RPS20: variants seen among roughly 807,000 people sequenced by gnomAD.
RPS20 encodes the protein small ribosomal subunit protein uS10.
RPS20 carries 3 observed loss-of-function variants against 15.3 expected under a neutral mutation model. The observed-to-expected ratio is 0.20, with a 90% confidence interval of 0.09 to 0.51. The LOEUF (loss-of-function observed/expected upper bound fraction) is 0.51, where lower values mean the gene tolerates loss of function less well. Among genes scored for constraint, RPS20 ranks in the 20% least tolerant of loss-of-function variants. RPS20 has a pLI of 0.96. For synonymous variants in RPS20, 62 were observed against 47.8 expected (o/e 1.30, Z -1.23); for missense variants, 67 against 145.9 (o/e 0.46, Z 2.79).
At chr8:56,071,806 T>A (rs1487066029), downstream of RPS20, among the ~76,000 whole-genome samples, 1 of 152,148 alleles carries the variant, frequency 6.6e-6, no homozygotes. Context: ...AAAACTTGAA[T>A]TACCCAACTT....
chr8:56,073,080 A>G lies in RPS20; in HGVS notation c.*10T>C, dbSNP rs1809811679. The G allele has an allele frequency of 6.3e-7, 1 of 1,588,798 alleles. No individual in the cohort carries two copies. The highest frequency in any genetic ancestry group is 8.5e-7 in the Non-Finnish European group (1 of 1,175,456). ...TAACAACTGGTCATCAATTTATTAA[A>G]ATAGTTGACTTAAGCATCTGCAATG... On this transcript the variant is annotated 3_prime_UTR_variant, in exon 4 of 4. Coordinates refer to ENST00000009589, the MANE Select transcript of RPS20 (RefSeq NM_001023.4).
chr8:56,071,806 T>C (rs1487066029), downstream of RPS20, among the ~76,000 whole-genome samples: 3 of 152,148 alleles, frequency 2.0e-5, no homozygotes, highest in East Asian at 5.8e-4. Flanking sequence ...AAAACTTGAA[T>C]TACCCAACTT....
downstream of RPS20, among the ~76,000 whole-genome samples, chr8:56,071,494 T>C (rs1809753524): frequency 6.6e-6 from 1 of 152,338 alleles, no homozygotes; most frequent in Non-Finnish European, 1.5e-5. Flanking sequence ...TGATGTTAAC[T>C]GGGTTTGTCT....
intron 3 of RPS20, 89 bp downstream of exon 3, chr8:56,073,603 TAAC>T (rs1210278799): frequency 5.9e-6 from 6 of 1,022,002 alleles, no homozygotes; most frequent in African/African-American, 1.6e-5. Context: ...GCATCAGTGT[TAAC>T]AATTTTGGCA....
downstream of RPS20, among the ~76,000 whole-genome samples, chr8:56,072,549 C>A (rs77603315): frequency 8.2e-6 from 1 of 121,850 alleles, no homozygotes; most frequent in Non-Finnish European, 1.7e-5. Flanking sequence ...AAAACGCCGT[C>A]CCCCCCCCCA....
At chr8:56,073,473 C>A (rs112898853) in intron 3 of RPS20, 5 of 633,450 alleles carry the variant, frequency 7.9e-6, no homozygotes, top group Non-Finnish European at 1.4e-5. Flanking sequence ...AGAGCTTGCG[C>A]CTGTTAAGCA....
At chr8:56,074,335 C>T in intron 1 of RPS20, 46 bp downstream of exon 1, 1 of 1,547,044 alleles carries the variant, frequency 6.5e-7, no homozygotes, top group Non-Finnish European at 8.7e-7. Flanking sequence ...GTCCCCCCGG[C>T]GCCCGAGCCC....
At chr8:56,071,434 A>C (rs141305181), downstream of RPS20, among the ~76,000 whole-genome samples, 527 of 152,348 alleles carry the variant, frequency 3.5e-3, 3 homozygotes, top group Non-Finnish European at 6.3e-3. Flanking sequence ...TTTGGTTTAA[A>C]TTTAGCAATG....
chr8:56,073,516 T>C, intron 3 of RPS20, 179 bp downstream of exon 3: 5 of 654,450 alleles, frequency 7.6e-6, no homozygotes, highest in Non-Finnish European at 1.4e-5. Flanking sequence ...CAACAATAAT[T>C]CAACAATCAT....
chr8:56,071,344 T>TG (rs1216974515), downstream of RPS20, among the ~76,000 whole-genome samples: 1 of 152,218 alleles, frequency 6.6e-6, no homozygotes, highest in African/African-American at 2.4e-5. Flanking sequence ...GGTATTTGTC[T>TG]GGGGGCCACG....
downstream of RPS20, among the ~76,000 whole-genome samples, chr8:56,068,731 GCA>G (rs753781442): frequency 2.8e-5 from 4 of 144,066 alleles, no homozygotes; most frequent in Middle Eastern, 3.9e-3. Flanking sequence ...ATACAAATGT[GCA>G]CAGTTGCTTG....
downstream of RPS20, among the ~76,000 whole-genome samples, chr8:56,070,579 A>G (rs1038991007): frequency 6.6e-6 from 1 of 152,036 alleles, no homozygotes; most frequent in Non-Finnish European, 1.5e-5. Context: ...CCACAAAAAA[A>G]GCCAGGCCAA....
At chr8:56,071,339 T>G (rs1809750324), downstream of RPS20, among the ~76,000 whole-genome samples, 2 of 152,350 alleles carry the variant, frequency 1.3e-5, no homozygotes, top group South Asian at 4.1e-4. Flanking sequence ...TCATAGGTAT[T>G]TGTCTGGGGG....
intron 3 of RPS20, 98 bp downstream of exon 3, chr8:56,073,597 C>G: frequency 3.2e-6 from 3 of 924,822 alleles, no homozygotes; most frequent in Non-Finnish European, 5.4e-6. Flanking sequence ...TAGACAGCAT[C>G]AGTGTTAACA....
At chr8:56,073,815 C>CGAA (rs754379092) in intron 2 of RPS20, 47 bp from the exon 3 acceptor site, 1 of 1,543,850 alleles carries the variant, frequency 6.5e-7, no homozygotes, top group South Asian at 1.1e-5. Flanking sequence ...CAATTAAAAT[C>CGAA]GGCTTAAGGC....
chr8:56,074,349 G>A, intron 1 of RPS20, 32 bp downstream of exon 1: 3 of 1,550,038 alleles, frequency 1.9e-6, no homozygotes, highest in Non-Finnish European at 2.6e-6. Context: ...CGAGCCCTGC[G>A]TTGCGCCGCC....
downstream of RPS20, among the ~76,000 whole-genome samples, chr8:56,071,165 G>A (rs117843669): frequency 0.012 from 1,858 of 152,274 alleles, 19 homozygotes; most frequent in Middle Eastern, 0.027. Context: ...TCACAATTCC[G>A]TGAAAGCCAT....
chr8:56,070,806 GC>G (rs1168664968), downstream of RPS20, among the ~76,000 whole-genome samples: 1 of 151,280 alleles, frequency 6.6e-6, no homozygotes, highest in Admixed American at 6.6e-5. Flanking sequence ...CTTGGTTATT[GC>G]TAGCTTACAT....
downstream of RPS20, chr8:56,069,934 A>G (rs1809706437): frequency 4.2e-6 from 3 of 705,894 alleles, no homozygotes; most frequent in Non-Finnish European, 7.7e-6. Context: ...AACTACTTAC[A>G]TACCATTTAC....
Sources: allele counts gnomAD v4.1 joint callset (sites outside exome capture counted in the v4.1 genomes callset), GRCh38; gene constraint gnomAD v4.1.1; transcripts MANE v1.5; gene names NCBI Gene and HGNC (gene_info 2026-07-23, HGNC 2026-07-21).